The following GOLIM4 variants were observed in gnomAD, a reference collection of about 807,000 sequenced individuals.
GOLIM4 encodes the protein 130 kDa golgi-localized phosphoprotein.
Under a neutral mutation model 107.4 loss-of-function variants are expected in GOLIM4, and 71 were observed. The observed-to-expected ratio is 0.66, with a 90% CI of 0.55 to 0.81. The LOEUF is 0.81. Among genes scored for constraint, GOLIM4 ranks in the 30% least tolerant of loss-of-function variants. The pLI is 0.00. For missense variants in GOLIM4, 830 were observed against 826.1 expected (o/e 1.00, Z -0.06); for synonymous variants, 327 against 294.8 (o/e 1.11, Z -1.12).
intron 2 of GOLIM4, among the ~76,000 whole-genome samples, chr3:168,048,021 T>C (rs1560088739): frequency 6.7e-6 from 1 of 149,226 alleles, no homozygotes; most frequent in African/African-American, 2.5e-5. Context: ...AGATGAAAAA[T>C]TATATGTTAT....
intron 14 of GOLIM4, among the ~76,000 whole-genome samples, chr3:168,021,747 C>T (rs777272916): frequency 9.2e-5 from 14 of 151,972 alleles, no homozygotes; most frequent in East Asian, 1.9e-4. Context: ...TGTAGGTGTA[C>T]GTACATATTT....
intron 14 of GOLIM4, among the ~76,000 whole-genome samples, chr3:168,011,607 A>G (rs1045616806): frequency 6.6e-6 from 1 of 151,600 alleles, no homozygotes; most frequent in African/African-American, 2.4e-5. Context: ...AGACAAACAA[A>G]AAGACAGCAG....
chr3:168,068,964 G>A (rs568882894), intron 1 of GOLIM4, among the ~76,000 whole-genome samples: 80 of 151,910 alleles, frequency 5.3e-4, no homozygotes, highest in African/African-American at 1.7e-3. Flanking sequence ...AGCCTCCTGA[G>A]TAGCTGGGAT....
At chr3:168,016,148 A>C (rs1443670841) in intron 14 of GOLIM4, among the ~76,000 whole-genome samples, 1 of 135,016 alleles carries the variant, frequency 7.4e-6, no homozygotes, top group Non-Finnish European at 1.5e-5. Flanking sequence ...CTCATCTGAC[A>C]AATGGCTAAT....
chr3:168,055,186 G>C (rs950055884), intron 1 of GOLIM4, among the ~76,000 whole-genome samples: 1 of 152,116 alleles, frequency 6.6e-6, no homozygotes, highest in African/African-American at 2.4e-5. Context: ...TTGGAACTGG[G>C]TAACAAGCAG....
In GOLIM4 at chr3:168,040,792, A is replaced by G; in HGVS notation, c.678T>C (p.Ala226=). The G allele has an allele frequency of 2.5e-6, 4 of 1,607,524 alleles. No individual in the cohort carries two copies. The highest frequency in any genetic ancestry group is 3.4e-6 in the Non-Finnish European group (4 of 1,174,014). Residue 226 remains alanine, a synonymous_variant, in exon 7 of 16, where the codon GCT becomes GCC. Coordinates refer to ENST00000470487, the MANE Select transcript of GOLIM4 (RefSeq NM_014498.5). ...AGGCTGCTACCCTTCTAACCTGTGC[A>G]GCAGCTAGTGCACTCTTGTGGTCTT... is the stretch of plus-strand genomic sequence containing the variant. ...TLEDHKSALA[A]AQTQVAEYKQ...
chr3:168,095,206 A>G lies in GOLIM4; in HGVS notation c.80T>C (p.Leu27Pro), dbSNP rs1436719207. The part of the protein sequence containing the change: ...LLLLTVVFGF[L>P]YGAMLYYELQ... ...CTCGTAGTAGAGCATCGCGCCGTAG[A>G]GAAAGCCGAACACGACGGTCAGCAG... Residue 27 changes from leucine to proline, a missense_variant, in exon 1 of 16, where the codon CTC (leucine) becomes CCC (proline). Leu to Pro is a moderately conservative substitution (Grantham distance 98, BLOSUM62 -3). Coordinates refer to ENST00000470487, the MANE Select transcript of GOLIM4 (RefSeq NM_014498.5). 1.2e-6 allele frequency: 2 copies of G among 1,613,818 alleles called. No homozygotes were observed. Among genetic ancestry groups the G allele is most frequent in the Admixed American group, 1.7e-5 (1 of 60,028 alleles).
chr3:168,035,478 C>T (rs1718590459), intron 8 of GOLIM4, among the ~76,000 whole-genome samples: 1 of 152,110 alleles, frequency 6.6e-6, no homozygotes, highest in Admixed American at 6.5e-5. Context: ...AAAAAAAGAA[C>T]AAGATCATGT....
Position 168,032,749 on chromosome 3 carries a change from G to A in GOLIM4, c.947C>T (p.Ala316Val). 1 of 1,614,014 alleles carries A rather than the reference G, an allele frequency of 6.2e-7. No individual in the cohort carries two copies. Residue 316 changes from alanine to valine, a missense_variant, in exon 9 of 16, where the codon GCT (alanine) becomes GTT (valine). By Grantham distance (64) the Ala-to-Val change is moderately conservative. Coordinates refer to ENST00000470487, the MANE Select transcript of GOLIM4 (RefSeq NM_014498.5). ...TTCTTGTTGGATTGGCTCTGGGGGA[G>A]CCTGAAATTCTGCCTCCTTATGGGT... Reference protein sequence around the residue: ...APTHKEAEFQAPPEPIQQEVE... With the variant: ...APTHKEAEFQVPPEPIQQEVE...
In GOLIM4 at chr3:168,052,598, G is replaced by T. The variant is rs540070225; in HGVS notation, c.188-4233C>A. ...GTAGAACAGACCATATAGAATTTCTGTGCTTGTACCTCTTTTAGAAAACTT... is the reference window on the plus strand; with the variant it reads ...GTAGAACAGACCATATAGAATTTCTTTGCTTGTACCTCTTTTAGAAAACTT... On this transcript the variant is annotated intron_variant, in intron 1 of 15. Transcript: ENST00000470487. 3.9e-5 allele frequency among the ~76,000 whole-genome samples: 6 copies of T among 152,242 alleles called. No homozygotes were observed. In the South Asian group the frequency reaches 1.2e-3, roughly 32 times the overall value.
chr3:168,078,696 G>T (rs555901630), intron 1 of GOLIM4, among the ~76,000 whole-genome samples: 1 of 152,204 alleles, frequency 6.6e-6, no homozygotes, highest in South Asian at 2.1e-4. Context: ...CTTGTTTCAG[G>T]AAACTGATTT....
Position 168,010,175 on chromosome 3 carries a change from G to A in GOLIM4, c.*94C>T. 9.1e-7 allele frequency: 1 copy of A among 1,102,980 alleles called. No individual in the cohort carries two copies. The highest frequency in any genetic ancestry group is 2.5e-5 in the East Asian group (1 of 39,778). The allele number at this position is 1,102,980 out of a possible 1,614,324, so 68.3% of individuals were successfully genotyped here. On this transcript the variant is annotated 3_prime_UTR_variant, in exon 16 of 16. Coordinates refer to ENST00000470487, the MANE Select transcript of GOLIM4 (RefSeq NM_014498.5). ...AAAAAAGTCTAAGTTCTTAATTTTT[G>A]TAATTAAATATCCTAGAGTTCAGTA...
intron 1 of GOLIM4, among the ~76,000 whole-genome samples, chr3:168,063,823 C>A (rs1250076644): frequency 6.6e-6 from 1 of 151,950 alleles, no homozygotes; most frequent in African/African-American, 2.4e-5. Flanking sequence ...CCATGGCACA[C>A]GTTTACCCAT....
intron 8 of GOLIM4, among the ~76,000 whole-genome samples, chr3:168,033,228 TC>T (rs1443351796): frequency 6.6e-6 from 1 of 152,302 alleles, no homozygotes; most frequent in African/African-American, 2.4e-5. Context: ...AATTTTGTTT[TC>T]AGTAATTATT....
chr3:168,091,404 G>T (rs1019192305), intron 1 of GOLIM4, among the ~76,000 whole-genome samples: 10 of 152,094 alleles, frequency 6.6e-5, no homozygotes, highest in African/African-American at 2.4e-4. Context: ...TACCTTAGCA[G>T]TCACACCCTC....
rs915241886 is a variant in GOLIM4 at position 168,010,486 on chromosome 3, A to C, written c.1942-68T>G. On this transcript the variant is annotated intron_variant, in intron 15 of 15. Coordinates refer to ENST00000470487, the MANE Select transcript of GOLIM4 (RefSeq NM_014498.5). ...AGTTAGTGATAAATAATTCTCTCTA[A>C]AAACAGGATGAAAAATTACTCATTT... 17 of 1,117,222 alleles carry C rather than the reference A, an allele frequency of 1.5e-5. No individual in the cohort carries two copies. The African/African-American group carries it at 2.4e-4, about 16-fold the overall frequency. The allele number at this position is 1,117,222 out of a possible 1,614,324, so 69.2% of individuals were successfully genotyped here. A position where few individuals can be genotyped will look rare whatever the true frequency, so the allele number is the denominator to read the frequency against.
chr3:168,063,061 C>A (rs1377272071), intron 1 of GOLIM4, among the ~76,000 whole-genome samples: 1 of 152,182 alleles, frequency 6.6e-6, no homozygotes, highest in Non-Finnish European at 1.5e-5. Flanking sequence ...TCCACCACCA[C>A]CTGCATGTCT....
intron 1 of GOLIM4, among the ~76,000 whole-genome samples, chr3:168,075,997 A>G (rs1721066826): frequency 6.6e-6 from 1 of 152,188 alleles, no homozygotes; most frequent in African/African-American, 2.4e-5. Flanking sequence ...TACACACACA[A>G]ACCTCACATT....
chr3:168,054,262 G>A (rs1719810797), intron 1 of GOLIM4, among the ~76,000 whole-genome samples: 2 of 152,156 alleles, frequency 1.3e-5, no homozygotes, highest in Admixed American at 1.3e-4. Context: ...AAACCTCCCA[G>A]TGGCTTCTCA....
Sources: allele counts gnomAD v4.1 joint callset (sites outside exome capture counted in the v4.1 genomes callset), GRCh38; gene constraint gnomAD v4.1.1; transcripts MANE v1.5; gene names NCBI Gene and HGNC (gene_info 2026-07-23, HGNC 2026-07-21).